Variants in BAZ1A observed in about 807,000 individuals in gnomAD.
BAZ1A encodes bromodomain adjacent to zinc finger domain 1A, also known as bromodomain adjacent to zinc finger domain protein 1A.
Under a neutral mutation model 185.2 loss-of-function variants are expected in BAZ1A, and 50 were observed. The observed-to-expected ratio is 0.27, with a 90% CI of 0.22 to 0.34. BAZ1A has a LOEUF of 0.34. BAZ1A is among the 10% of genes least tolerant of loss of function. The probability of loss-of-function intolerance (pLI) is 1.00; values close to 1 mark genes in which losing one functional copy is unlikely to be tolerated. For synonymous variants in BAZ1A, 571 were observed against 615.6 expected, an observed-to-expected ratio of 0.93 and a Z score of 1.07; for missense variants, 1,356 against 1,839.9, an observed-to-expected ratio of 0.74 and a Z score of 4.81.
chr14:34,817,701 C>CA (rs1023575434), intron 4 of BAZ1A, among the ~76,000 whole-genome samples: 26 of 151,944 alleles, frequency 1.7e-4, no homozygotes, highest in African/African-American at 7.3e-5. Context: ...GGTATTTCTG[C>CA]AAAAAAATAT....
At chr14:34,838,639 C>T (rs574837080) in intron 3 of BAZ1A, among the ~76,000 whole-genome samples, 1 of 152,126 alleles carries the variant, frequency 6.6e-6, no homozygotes, top group East Asian at 1.9e-4. Context: ...ATTCTCCTGC[C>T]TCAGCCTCCC....
At chr14:34,755,523 C>G (rs1253722381) in intron 25 of BAZ1A, among the ~76,000 whole-genome samples, 1 of 152,156 alleles carries the variant, frequency 6.6e-6, no homozygotes, top group African/African-American at 2.4e-5. Context: ...CTGAAACATC[C>G]TTACTGCATT....
At position 34,832,215 on chromosome 14, in the gene BAZ1A, C is replaced by CACACACACACATATATATATATAT; in HGVS notation, c.393-6060_393-6059insATATATATATATATGTGTGTGTGT. Reference sequence around the variant, plus strand: ...ATACACACACACACACACACACACACATATATATATATATATGTATGTATG... The same window carrying CACACACACACATATATATATATAT: ...ATACACACACACACACACACACACACACACACACACATATATATATATATATATATATATATATATGTATGTATG... On this transcript the variant is annotated intron_variant, in intron 3 of 26. Coordinates refer to ENST00000360310, the MANE Select transcript of BAZ1A (RefSeq NM_013448.3). Among the ~76,000 whole-genome samples, 42 of 89,706 alleles carry CACACACACACATATATATATATAT rather than the reference C, an allele frequency of 4.7e-4. 1 individual carries two copies. Among genetic ancestry groups the CACACACACACATATATATATATAT allele is most frequent in the South Asian group, 2.0e-3 (4 of 2,034 alleles). The allele number at this position is 89,706 out of a possible 152,430, so 58.9% of individuals were successfully genotyped here. A position where few individuals can be genotyped will look rare whatever the true frequency, so the allele number is the denominator to read the frequency against.
chr14:34,829,196 G>A (rs1051681374), intron 3 of BAZ1A, among the ~76,000 whole-genome samples: 1 of 151,028 alleles, frequency 6.6e-6, no homozygotes, highest in Non-Finnish European at 1.5e-5. Flanking sequence ...AACCCGGGAG[G>A]TGGAAGTTGC....
At chr14:34,846,030 G>A (rs1406983889) in intron 3 of BAZ1A, among the ~76,000 whole-genome samples, 1 of 152,044 alleles carries the variant, frequency 6.6e-6, no homozygotes, top group Non-Finnish European at 1.5e-5. Context: ...TCCCCAATGG[G>A]GATTTAAGGT....
rs753424573 is a variant in BAZ1A, at chr14:34,773,657, TGTTTTCCTC to T, written c.3058_3066del (p.Glu1020_Asn1022del). Reference sequence around the variant, plus strand: ...ACAGTTTTAATTATCCCATTTTCCTTGTTTTCCTCACTTAACAGCTCATACCGTCCACTT... The same window carrying T: ...ACAGTTTTAATTATCCCATTTTCCTTACTTAACAGCTCATACCGTCCACTT... On this transcript the variant is annotated inframe_deletion, in exon 20 of 27. Transcript: ENST00000360310. The T allele has an allele frequency of 7.2e-5, 116 of 1,613,608 alleles. No individual in the cohort carries two copies. The highest frequency in any genetic ancestry group is 8.9e-5 in the Non-Finnish European group (105 of 1,179,842).
At chr14:34,870,694 T>C (rs1566607612) in intron 2 of BAZ1A, among the ~76,000 whole-genome samples, 1 of 152,252 alleles carries the variant, frequency 6.6e-6, no homozygotes, top group South Asian at 2.1e-4. Flanking sequence ...GAATTTTCCA[T>C]AATAAGCACT....
intron 23 of BAZ1A, among the ~76,000 whole-genome samples, chr14:34,763,765 T>C (rs1878603448): frequency 1.3e-5 from 2 of 152,282 alleles, no homozygotes; most frequent in African/African-American, 2.4e-5. Flanking sequence ...AATTAAGATA[T>C]AGAAATGCAC....
intron 4 of BAZ1A, among the ~76,000 whole-genome samples, chr14:34,819,173 A>C (rs897565301): frequency 2.7e-5 from 4 of 147,038 alleles, no homozygotes; most frequent in African/African-American, 7.5e-5. Flanking sequence ...AAAAGAATGA[A>C]TCTTCTATTC....
intron 3 of BAZ1A, among the ~76,000 whole-genome samples, chr14:34,847,662 T>G (rs1182252391): frequency 6.6e-6 from 1 of 152,226 alleles, no homozygotes; most frequent in East Asian, 1.9e-4. Context: ...CGCTTGAATC[T>G]TTTATGTTCA....
Position 34,776,633 on chromosome 14 carries a change from C to T in BAZ1A, c.2237-118G>A, listed in dbSNP as rs1879632576. On this transcript the variant is annotated intron_variant, in intron 17 of 26. Transcript: ENST00000360310. ...TATGAACTAAACTGTATCCCCTCTC[C>T]ACAACCCCAAGTTCATATGTTGAAG... The T allele has an allele frequency of 3.9e-6, 3 of 769,974 alleles. No individual in the cohort carries two copies. The Admixed American group carries it at 8.7e-5, about 22-fold the overall frequency. 47.7% of individuals were successfully genotyped at this position (769,974 alleles called of 1,614,324 possible).
intron 18 of BAZ1A, 137 bp downstream of exon 18, chr14:34,775,782 A>G: frequency 6.0e-6 from 4 of 665,788 alleles, no homozygotes; most frequent in Non-Finnish European, 1.0e-5. Flanking sequence ...TCTAACTTGC[A>G]AACTAAAAGG....
At chr14:34,856,783 G>A (rs540736925) in intron 3 of BAZ1A, among the ~76,000 whole-genome samples, 6 of 149,868 alleles carry the variant, frequency 4.0e-5, no homozygotes, top group African/African-American at 7.4e-5. Context: ...GCCTGAACTC[G>A]GGAGGCAGAG....
chr14:34,788,995 A>G (rs1880675698), intron 12 of BAZ1A, among the ~76,000 whole-genome samples: 1 of 152,222 alleles, frequency 6.6e-6, no homozygotes, highest in Admixed American at 6.5e-5. Context: ...TTTAAAGCAT[A>G]CATAGGGCCA....
chr14:34,841,941 T>C (rs1304214555), intron 3 of BAZ1A, among the ~76,000 whole-genome samples: 2 of 152,176 alleles, frequency 1.3e-5, no homozygotes, highest in East Asian at 3.8e-4. Flanking sequence ...CCTATCAAGT[T>C]TTATTTTAAA....
rs532406767 is a variant in BAZ1A at position 34,830,301 on chromosome 14, A to C, written c.393-4145T>G. Among the ~76,000 whole-genome samples, 3 of 149,858 alleles carry C rather than the reference A, an allele frequency of 2.0e-5. No individual in the cohort carries two copies. The South Asian group carries it at 6.3e-4, about 31-fold the overall frequency. ...CCATGCAATAAAATATTATCCAGCA[A>C]AAAAAAAAATAGGAATGAAGTACTG... On this transcript the variant is annotated intron_variant, in intron 3 of 26. Transcript: ENST00000360310.
rs1487129015 is a variant in BAZ1A, at chr14:34,874,430, A to G, written c.113+62T>C. 2.1e-6 allele frequency: 3 copies of G among 1,463,086 alleles called. No individual in the cohort carries two copies. In the East Asian group the frequency reaches 7.1e-5, roughly 34 times the overall value. 90.6% of individuals were successfully genotyped at this position (1,463,086 alleles called of 1,614,324 possible). On this transcript the variant is annotated intron_variant, in intron 2 of 26. Transcript: ENST00000360310. The surrounding 1 kb of genome is among the most constrained non-coding windows in gnomAD (Gnocchi z 4.7). The stretch of plus-strand genomic sequence containing the variant: ...CAGGGCGAGGAAAAGGAGAGAGACA[A>G]AAGAGCGCTGCGGGGGGAGTCCCCA...
chr14:34,834,786 G>A (rs2042302459), intron 3 of BAZ1A, among the ~76,000 whole-genome samples: 1 of 152,028 alleles, frequency 6.6e-6, no homozygotes, highest in South Asian at 2.1e-4. Context: ...CTTGATTCTA[G>A]GGAGTTCAAA....
chr14:34,792,953 G>A (rs772134543), intron 11 of BAZ1A, 32 bp from the exon 12 acceptor site: 3 of 1,586,140 alleles, frequency 1.9e-6, no homozygotes, highest in Admixed American at 1.9e-5. Flanking sequence ...TGAATTTAAA[G>A]TTCTGTTCAT....
Sources: gnomAD v4.1 joint callset for allele counts (sites outside exome capture counted in the v4.1 genomes callset) on GRCh38, gnomAD v4.1.1 for gene constraint, Gnocchi (gnomAD v3.1) non-coding constraint, MANE v1.5 for transcripts, NCBI Gene and HGNC (gene_info 2026-07-23, HGNC 2026-07-21) for gene names.